The following CYP27B1 variants were observed in gnomAD, a reference collection of about 807,000 sequenced individuals.
CYP27B1 encodes the protein cytochrome P450 family 27 subfamily B member 1.
Under a neutral mutation model 54.8 loss-of-function variants are expected in CYP27B1, and 46 were observed. That is an observed-to-expected ratio of 0.84 (90% CI 0.66 to 1.07). The LOEUF (loss-of-function observed/expected upper bound fraction) is 1.07. Among genes scored for constraint, CYP27B1 ranks in the 50% least tolerant of loss-of-function variants. CYP27B1 has a pLI of 0.00. For synonymous variants in CYP27B1, 292 were observed against 297.3 expected (o/e 0.98, Z 0.18); for missense variants, 674 against 692.2 (o/e 0.97, Z 0.30).
rs927941015 is a variant in CYP27B1, at chr12:57,766,934, G to A, written c.108C>T (p.Ser36=). Residue 36 remains serine (S), a synonymous_variant, in exon 1 of 9, where the codon AGC becomes AGT. Transcript: ENST00000228606. ...GYREYHSARR[S]LADIPGPSTP... ...TAGAGGGGCCTGGGATGTCTGCCAA[G>A]CTCCGGCGTGCTGAGTGGTACTCTC... is the stretch of plus-strand genomic sequence containing the variant. The A allele has an allele frequency of 2.5e-6, 4 of 1,614,198 alleles. No homozygotes were observed. Among genetic ancestry groups the A allele is most frequent in the African/African-American group, 2.7e-5 (2 of 75,052 alleles).
At chr12:57,764,957 G>A (rs373561653) in intron 4 of CYP27B1, 31 bp from the exon 5 acceptor site, 56 of 1,613,914 alleles carry the variant, frequency 3.5e-5, no homozygotes, top group Non-Finnish European at 4.5e-5. Context: ...TGAATACCTC[G>A]CTACCCCTGG....
intron 1 of CYP27B1, 148 bp from the exon 2 acceptor site, chr12:57,766,345 G>T: frequency 9.4e-7 from 1 of 1,062,358 alleles, no homozygotes; most frequent in Non-Finnish European, 1.3e-6. Flanking sequence ...CTTTGATACT[G>T]CAAACTCCTC....
intron 7 of CYP27B1, 85 bp downstream of exon 7, chr12:57,764,013 C>A: frequency 8.1e-7 from 1 of 1,237,254 alleles, no homozygotes; most frequent in South Asian, 1.2e-5. Context: ...GTTTGAAGGG[C>A]TTTTAGGAGA....
At chr12:57,764,212 G>A (rs1428344839) in intron 6 of CYP27B1, 36 bp from the exon 7 acceptor site, 4 of 1,581,080 alleles carry the variant, frequency 2.5e-6, no homozygotes, top group Non-Finnish European at 2.6e-6. Context: ...ACAACAAGAT[G>A]AGGCTAGGGG....
At chr12:57,763,430 G>GA (rs1405415791) in intron 8 of CYP27B1, among the ~76,000 whole-genome samples, 175 bp from the exon 9 acceptor site, 1 of 152,102 alleles carries the variant, frequency 6.6e-6, no homozygotes, top group Non-Finnish European at 1.5e-5. Context: ...TTATGGTAGG[G>GA]AAAAAATAGT....
At chr12:57,766,314 G>T in intron 1 of CYP27B1, 117 bp from the exon 2 acceptor site, 1 of 1,352,476 alleles carries the variant, frequency 7.4e-7, no homozygotes, top group Non-Finnish European at 9.7e-7. Flanking sequence ...GCTCTTTCTC[G>T]GGTGCCCAAC....
In CYP27B1 at chr12:57,764,021, A is replaced by G; in HGVS notation, c.1215+77T>C. ...GGGGAGTGTTTGAAGGGCTTTTAGG[A>G]GAGTGTTTGAGAACAGGGTTGGGGC... On this transcript the variant is annotated intron_variant, in intron 7 of 8. Transcript: ENST00000228606. The G allele has an allele frequency of 3.2e-6, 4 of 1,268,842 alleles. No homozygotes were observed. The Admixed American group carries it at 6.8e-5, about 22-fold the overall frequency. 78.6% of individuals were successfully genotyped at this position (1,268,842 alleles called of 1,614,324 possible).
In CYP27B1 at chr12:57,763,929, T is replaced by C. The variant is rs112144903; in HGVS notation, c.1216-121A>G. 1.0e-3 allele frequency: 1,193 copies of C among 1,139,092 alleles called. 5 individuals carry two copies. The highest frequency in any genetic ancestry group is 5.4e-3 in the Middle Eastern group (25 of 4,634). 70.6% of individuals were successfully genotyped at this position (1,139,092 alleles called of 1,614,324 possible). A position where few individuals can be genotyped will look rare whatever the true frequency, so the allele number is the denominator to read the frequency against. Reference sequence around the variant, plus strand: ...GGGTGATGGGGAAGTTTTCTGGGGCTACTTTTGGAAGGATCTCCCCACTGT... The same window carrying C: ...GGGTGATGGGGAAGTTTTCTGGGGCCACTTTTGGAAGGATCTCCCCACTGT... On this transcript the variant is annotated intron_variant, in intron 7 of 8. Coordinates refer to ENST00000228606, the MANE Select transcript of CYP27B1 (RefSeq NM_000785.4).
rs1406353247 is a variant in CYP27B1 at position 57,765,643 on chromosome 12, G to A, written c.387-144C>T. 2.0e-6 allele frequency: 2 copies of A among 976,990 alleles called. No individual in the cohort carries two copies. Among genetic ancestry groups the A allele is most frequent in the East Asian group, 5.2e-5 (2 of 38,348 alleles). The allele number at this position is 976,990 out of a possible 1,614,324, so 60.5% of individuals were successfully genotyped here. On this transcript the variant is annotated intron_variant, in intron 2 of 8. Transcript: ENST00000228606. This position sits in a 1 kb window ranked among gnomAD's most constrained non-coding sequence, Gnocchi z 5.8. ...GGGGTACGGAAACCTGCACCGGCCTGCGCCTGTCTTCCAGCCCCCTTCCTC... is the reference window on the plus strand; with the variant it reads ...GGGGTACGGAAACCTGCACCGGCCTACGCCTGTCTTCCAGCCCCCTTCCTC...
In CYP27B1 at chr12:57,766,119, C is replaced by CA; in HGVS notation, c.273dup (p.Ala92CysfsTer241). ...TGTCGCAGCAGCTCCTCGACGAGTG[C>CA]AGGGGCAGCCACGTACACGGTGCGC... On this transcript the variant is annotated frameshift_variant, in exon 2 of 9. Transcript: ENST00000228606. LOFTEE classifies it high-confidence loss of function. 6.5e-7 allele frequency: 1 copy of CA among 1,545,806 alleles called. No homozygotes were observed. The highest frequency in any genetic ancestry group is 1.2e-5 in the South Asian group (1 of 84,322).
At position 57,767,073 on chromosome 12, in the gene CYP27B1, G is replaced by A. The variant is rs541475094; in HGVS notation, c.-32C>T. 2.6e-5 allele frequency: 41 copies of A among 1,602,562 alleles called. No homozygotes were observed. In the South Asian group the frequency reaches 4.1e-4, roughly 16 times the overall value. On this transcript the variant is annotated 5_prime_UTR_variant, in exon 1 of 9. Coordinates refer to ENST00000228606, the MANE Select transcript of CYP27B1 (RefSeq NM_000785.4). ...GTTCAGGGTGCTCGCGAAAGAAAGC[G>A]CTTCTCCTGAGCATCATATCTCAAC...
chr12:57,763,357 T>C (rs1479461720), intron 8 of CYP27B1, 102 bp from the exon 9 acceptor site: 1 of 951,278 alleles, frequency 1.1e-6, no homozygotes. Flanking sequence ...AGTGTTAGAA[T>C]GGTCAATGAT....
At position 57,763,272 on chromosome 12, in the gene CYP27B1, G is replaced by A; in HGVS notation, c.1414-17C>T. The A allele has an allele frequency of 6.4e-7, 1 of 1,571,942 alleles. No individual in the cohort carries two copies. The highest frequency in any genetic ancestry group is 8.8e-7 in the Non-Finnish European group (1 of 1,142,194). On this transcript the variant is annotated splice_polypyrimidine_tract_variant and intron_variant, in intron 8 of 8. Coordinates refer to ENST00000228606, the MANE Select transcript of CYP27B1 (RefSeq NM_000785.4). ...TGTTAGGATCTGGAAAGGGAAGAAG[G>A]TGAGCATTACTATGAAAGATATCTA...
Position 57,762,976 on chromosome 12 carries a change from A to G in CYP27B1, c.*166T>C. 1 of 652,474 alleles carries G rather than the reference A, an allele frequency of 1.5e-6. No homozygotes were observed. The highest frequency in any genetic ancestry group is 1.6e-5 in the South Asian group (1 of 62,126). The allele number at this position is 652,474 out of a possible 1,614,324, so 40.4% of individuals were successfully genotyped here. On this transcript the variant is annotated 3_prime_UTR_variant, in exon 9 of 9. Coordinates refer to ENST00000228606, the MANE Select transcript of CYP27B1 (RefSeq NM_000785.4). ...TGGCTTCCTGAGTCAGGCCAAGTGC[A>G]TACTTCACACATTGGTCAGGGCCGC...
Position 57,766,196 on chromosome 12 carries a change from A to G in CYP27B1, c.197T>C (p.Val66Ala). Residue 66 changes from valine to alanine, a missense_variant and splice_region_variant, in exon 2 of 9, where the codon GTG becomes GCG. Val to Ala is a moderately conservative substitution (Grantham distance 64). Transcript: ENST00000228606. Reference sequence around the variant, plus strand: ...CGGCCCGAAGTGCGCGGCGCCCTGCACCTGGGGGAGCGGACACAGCGGACA... The same window carrying G: ...CGGCCCGAAGTGCGCGGCGCCCTGCGCCTGGGGGAGCGGACACAGCGGACA... ...GGLSRLHELQ[V>A]QGAAHFGPVW... is the part of the protein sequence containing the mutation. The G allele has an allele frequency of 1.3e-6, 2 of 1,533,932 alleles. No homozygotes were observed. Among genetic ancestry groups the G allele is most frequent in the Non-Finnish European group, 1.8e-6 (2 of 1,139,642 alleles).
chr12:57,764,821 C>G lies in CYP27B1; in HGVS notation c.896G>C (p.Arg299Pro). The G allele has an allele frequency of 6.2e-7, 1 of 1,614,174 alleles. No homozygotes were observed. Among genetic ancestry groups the G allele is most frequent in the Non-Finnish European group, 8.5e-7 (1 of 1,180,028 alleles). Residue 299 changes from arginine to proline, a missense_variant, in exon 5 of 9, where the codon CGG becomes CCG. By Grantham distance (103) the Arg-to-Pro change is moderately radical. Coordinates refer to ENST00000228606, the MANE Select transcript of CYP27B1 (RefSeq NM_000785.4). ...GATGGACTGGGCAGGCAACTCTTCCCGGAACAGGAAGTGGGTCAGGTGCGC... is the reference window on the plus strand; with the variant it reads ...GATGGACTGGGCAGGCAACTCTTCCGGGAACAGGAAGTGGGTCAGGTGCGC... The part of the protein sequence containing the change: ...SGAHLTHFLF[R>P]EELPAQSILG...
rs1303173617 is a variant in CYP27B1, at chr12:57,763,790, G to A, written c.1234C>T (p.His412Tyr). The A allele has an allele frequency of 1.9e-6, 3 of 1,614,160 alleles. No homozygotes were observed. The highest frequency in any genetic ancestry group is 1.3e-5 in the African/African-American group (1 of 75,042). ...IPKNTLVTLC[H>Y]YATSRDPAQF... ...GCAGGGTCCCTTGAAGTGGCATAGTGACACAGAGTGACCAGCGTCTGGTGC... is the reference window on the plus strand; with the variant it reads ...GCAGGGTCCCTTGAAGTGGCATAGTAACACAGAGTGACCAGCGTCTGGTGC... Residue 412 changes from histidine to tyrosine, a missense_variant, in exon 8 of 9, where the codon CAC becomes TAC. By Grantham distance (83) the His-to-Tyr change is moderately conservative (BLOSUM62 2). Coordinates refer to ENST00000228606, the MANE Select transcript of CYP27B1 (RefSeq NM_000785.4).
chr12:57,766,169 A>G lies in CYP27B1; in HGVS notation c.224T>C (p.Val75Ala). Residue 75 changes from valine to alanine, a missense_variant, in exon 2 of 9, where the codon GTG (valine) becomes GCG (alanine). Transcript: ENST00000228606. ...QVQGAAHFGP[V>A]WLASFGTVRT... is the part of the protein sequence containing the mutation. ...CACTGTCCCAAAGCTGGCTAGCCACACCGGCCCGAAGTGCGCGGCGCCCTG... is the reference window on the plus strand; with the variant it reads ...CACTGTCCCAAAGCTGGCTAGCCACGCCGGCCCGAAGTGCGCGGCGCCCTG... 6.5e-7 allele frequency: 1 copy of G among 1,545,890 alleles called. No individual in the cohort carries two copies.
At chr12:57,763,341 A>C (rs997878977) in intron 8 of CYP27B1, 86 bp from the exon 9 acceptor site, 130 of 1,045,050 alleles carry the variant, frequency 1.2e-4, no homozygotes, top group Non-Finnish European at 1.8e-4. Context: ...AAGGGCATGC[A>C]TTATTAGTGT....
Sources: gnomAD v4.1 joint callset for allele counts (sites outside exome capture counted in the v4.1 genomes callset) on GRCh38, gnomAD v4.1.1 for gene constraint, Gnocchi (gnomAD v3.1) non-coding constraint, MANE v1.5 for transcripts, NCBI Gene and HGNC (gene_info 2026-07-23, HGNC 2026-07-21) for gene names.